Variants in PLPPR1 observed in about 807,000 individuals in gnomAD.
PLPPR1 encodes phospholipid phosphatase related 1, also known as phospholipid phosphatase-related protein type 1.
PLPPR1 carries 10 observed loss-of-function variants against 33.1 expected under a neutral mutation model. The observed-to-expected ratio is 0.30, with a 90% confidence interval of 0.19 to 0.51. The LOEUF (loss-of-function observed/expected upper bound fraction) is 0.51. PLPPR1 is among the 20% of genes least tolerant of loss of function. The probability of loss-of-function intolerance (pLI) is 0.97; values close to 1 mark genes in which losing one functional copy is unlikely to be tolerated. For missense variants in PLPPR1, 304 were observed against 408.1 expected, an observed-to-expected ratio of 0.74 and a Z score of 2.20; for synonymous variants, 151 against 151.0, an observed-to-expected ratio of 1.00 and a Z score of 0.00.
intron 1 of PLPPR1, among the ~76,000 whole-genome samples, chr9:101,142,016 T>G (rs1831457805): frequency 6.6e-6 from 1 of 152,334 alleles, no homozygotes; most frequent in African/African-American, 2.4e-5. Context: ...GCCAATCTAC[T>G]TTTTATCTTC....
At chr9:101,029,483 C>T (rs1401132741) in intron 1 of PLPPR1, among the ~76,000 whole-genome samples, 1 of 152,192 alleles carries the variant, frequency 6.6e-6, no homozygotes, top group Non-Finnish European at 1.5e-5. Flanking sequence ...GGCGGAGGCG[C>T]CCTGCAGGTA....
At chr9:101,087,354 T>C (rs1830691540) in intron 1 of PLPPR1, among the ~76,000 whole-genome samples, 1 of 152,216 alleles carries the variant, frequency 6.6e-6, no homozygotes, top group African/African-American at 2.4e-5. Flanking sequence ...TTTATGTTTA[T>C]TTATTCTGCT....
rs558374632 is a variant in PLPPR1, at chr9:101,322,059, G to A, written c.946-1966G>A. On this transcript the variant is annotated intron_variant, in intron 7 of 7. Transcript: ENST00000374874. ...CTAAAAATACAAAAATTAGCCAGGC[G>A]TGGTGGCAGGCGCCTGTAATCCCAG... is the stretch of plus-strand genomic sequence containing the variant. 4.7e-5 allele frequency among the ~76,000 whole-genome samples: 7 copies of A among 149,700 alleles called. No individual in the cohort carries two copies. In the South Asian group the frequency reaches 6.3e-4, roughly 13 times the overall value.
chr9:101,288,786 A>G (rs187868647), intron 4 of PLPPR1, among the ~76,000 whole-genome samples: 11 of 152,274 alleles, frequency 7.2e-5, no homozygotes, highest in Non-Finnish European at 1.5e-4. Flanking sequence ...GGTGATTCTG[A>G]TGCATGGAAA....
intron 7 of PLPPR1, among the ~76,000 whole-genome samples, chr9:101,323,479 A>G (rs1031547188): frequency 1.3e-5 from 2 of 151,848 alleles, no homozygotes; most frequent in African/African-American, 4.8e-5. Flanking sequence ...CAAAAAAAAA[A>G]AAAAAAAAAA....
intron 2 of PLPPR1, among the ~76,000 whole-genome samples, chr9:101,217,840 A>G (rs1376539829): frequency 1.3e-5 from 2 of 152,242 alleles, no homozygotes; most frequent in Non-Finnish European, 1.5e-5. Context: ...CTGAAATAAT[A>G]CAAACTTAAA....
At chr9:101,092,206 T>C (rs1297883209) in intron 1 of PLPPR1, among the ~76,000 whole-genome samples, 3 of 152,212 alleles carry the variant, frequency 2.0e-5, no homozygotes, top group African/African-American at 7.2e-5. Context: ...GGTGTCATTT[T>C]AAATGTCACT....
At chr9:101,159,458 T>C (rs1831744512) in intron 1 of PLPPR1, among the ~76,000 whole-genome samples, 1 of 152,220 alleles carries the variant, frequency 6.6e-6, no homozygotes, top group African/African-American at 2.4e-5. Flanking sequence ...GTTAATCTAC[T>C]TACTAAATAT....
At chr9:101,100,831 G>A (rs1830889198) in intron 1 of PLPPR1, among the ~76,000 whole-genome samples, 1 of 151,720 alleles carries the variant, frequency 6.6e-6, no homozygotes, top group Admixed American at 6.6e-5. Context: ...CCACAGTTAG[G>A]ACTGTTATTT....
chr9:101,073,493 A>AT (rs11461902), intron 1 of PLPPR1, among the ~76,000 whole-genome samples: 9 of 151,388 alleles, frequency 5.9e-5, no homozygotes, highest in Non-Finnish European at 2.9e-5. Flanking sequence ...TAAAAAAAAA[A>AT]GCTCAGACGT....
intron 1 of PLPPR1, among the ~76,000 whole-genome samples, chr9:101,061,856 C>A (rs1317508278): frequency 2.0e-5 from 3 of 151,926 alleles, no homozygotes; most frequent in Non-Finnish European, 2.9e-5. Context: ...ATATGATAAC[C>A]TCTACAGTTC....
At chr9:101,067,299 C>A (rs968651827) in intron 1 of PLPPR1, among the ~76,000 whole-genome samples, 1 of 151,500 alleles carries the variant, frequency 6.6e-6, no homozygotes, top group Non-Finnish European at 1.5e-5. Flanking sequence ...CATATAATAT[C>A]ACCATCATTA....
intron 1 of PLPPR1, among the ~76,000 whole-genome samples, chr9:101,167,134 G>C (rs1213454096): frequency 2.7e-5 from 3 of 111,520 alleles, no homozygotes; most frequent in Non-Finnish European, 5.8e-5. Context: ...CTGTCTTTAT[G>C]TCTCTCGGTG....
At chr9:101,030,515 G>C (rs1564125324) in intron 1 of PLPPR1, among the ~76,000 whole-genome samples, 1 of 151,790 alleles carries the variant, frequency 6.6e-6, no homozygotes, top group African/African-American at 2.4e-5. Flanking sequence ...AGTTGTTTAG[G>C]TCTAGAAAGT....
intron 2 of PLPPR1, among the ~76,000 whole-genome samples, chr9:101,218,330 A>G (rs1826848462): frequency 6.6e-6 from 1 of 152,220 alleles, no homozygotes; most frequent in Admixed American, 6.5e-5. Flanking sequence ...TTGTATGCAT[A>G]ATGATAAATA....
At chr9:101,279,571 T>C (rs1048359850) in intron 3 of PLPPR1, among the ~76,000 whole-genome samples, 10 of 152,172 alleles carry the variant, frequency 6.6e-5, no homozygotes, top group Admixed American at 4.6e-4. Flanking sequence ...AGGTAATATC[T>C]TAGGACATTA....
intron 1 of PLPPR1, among the ~76,000 whole-genome samples, chr9:101,070,335 G>T (rs1439076292): frequency 6.6e-6 from 1 of 151,918 alleles, no homozygotes; most frequent in Non-Finnish European, 1.5e-5. Flanking sequence ...ACTATATTTT[G>T]CTCAAATTGT....
chr9:101,184,416 T>C (rs1054544643), intron 1 of PLPPR1, among the ~76,000 whole-genome samples: 1 of 151,940 alleles, frequency 6.6e-6, no homozygotes, highest in African/African-American at 2.4e-5. Context: ...AAAATTAATG[T>C]CTGACCTTTT....
intron 1 of PLPPR1, among the ~76,000 whole-genome samples, chr9:101,120,266 T>C (rs1262790953): frequency 6.6e-6 from 1 of 152,240 alleles, no homozygotes; most frequent in African/African-American, 2.4e-5. Context: ...GAATCCGTTG[T>C]TGTGAGTTCC....
Sources: allele counts gnomAD v4.1 joint callset (sites outside exome capture counted in the v4.1 genomes callset), GRCh38; gene constraint gnomAD v4.1.1; transcripts MANE v1.5; gene names NCBI Gene and HGNC (gene_info 2026-07-23, HGNC 2026-07-21).